THSD7B: variants seen among roughly 807,000 people sequenced by gnomAD.
The protein encoded by THSD7B is thrombospondin type-1 domain-containing protein 7B.
Under a neutral mutation model 213.6 loss-of-function variants are expected in THSD7B, and 138 were observed. That is an observed-to-expected ratio of 0.65 (90% CI 0.56 to 0.74). The LOEUF (loss-of-function observed/expected upper bound fraction) is 0.74, where lower values mean the gene tolerates loss of function less well. THSD7B is among the 30% of genes least tolerant of loss of function. THSD7B has a pLI of 0.00. For missense variants in THSD7B, 1,931 were observed against 1,991.5 expected (o/e 0.97, Z 0.58); for synonymous variants, 742 against 687.0 (o/e 1.08, Z -1.25).
At chr2:137,422,818 C>A (rs558008506) in intron 14 of THSD7B, among the ~76,000 whole-genome samples, 32 of 152,022 alleles carry the variant, frequency 2.1e-4, no homozygotes, top group South Asian at 1.9e-3. Context: ...ATTTCTAAAT[C>A]CAGAATTATG....
At chr2:137,495,996 A>T (rs1407015014) in intron 15 of THSD7B, among the ~76,000 whole-genome samples, 2 of 129,352 alleles carry the variant, frequency 1.5e-5, no homozygotes, top group Non-Finnish European at 3.3e-5. Context: ...AGTGAATCAC[A>T]TCTCAATTTA....
At chr2:137,618,968 C>A (rs352181) in intron 19 of THSD7B, among the ~76,000 whole-genome samples, 32,527 of 152,064 alleles carry the variant, frequency 0.21, 3,742 homozygotes, top group South Asian at 0.29. Flanking sequence ...AGAGATTTTT[C>A]TTTTCAACCT....
At chr2:137,078,437 C>T (rs76149283) in intron 3 of THSD7B, among the ~76,000 whole-genome samples, 14,500 of 152,158 alleles carry the variant, frequency 0.095, 942 homozygotes, top group African/African-American at 0.18. Flanking sequence ...TGCATAGATG[C>T]ATATCCTTTA....
chr2:137,370,238 CA>C (rs1685512838), intron 12 of THSD7B, among the ~76,000 whole-genome samples: 1 of 152,024 alleles, frequency 6.6e-6, no homozygotes, highest in African/African-American at 2.4e-5. Context: ...TTTATTCACT[CA>C]TTCATTCATT....
intron 4 of THSD7B, among the ~76,000 whole-genome samples, chr2:137,114,690 C>T (rs1338689578): frequency 6.6e-6 from 1 of 152,178 alleles, no homozygotes; most frequent in Non-Finnish European, 1.5e-5. Flanking sequence ...ATATTTACGA[C>T]TTTACACATT....
intron 12 of THSD7B, among the ~76,000 whole-genome samples, chr2:137,280,503 T>A (rs1260115431): frequency 2.6e-5 from 4 of 152,142 alleles, no homozygotes; most frequent in African/African-American, 9.7e-5. Flanking sequence ...ATGGTTAAGA[T>A]TTCATTCGTG....
intron 15 of THSD7B, among the ~76,000 whole-genome samples, chr2:137,451,719 A>G (rs1319298838): frequency 1.3e-5 from 2 of 152,124 alleles, no homozygotes; most frequent in Non-Finnish European, 2.9e-5. Context: ...GAATTATAAT[A>G]AAGAACTCAA....
intron 14 of THSD7B, among the ~76,000 whole-genome samples, chr2:137,423,494 C>A (rs1040587845): frequency 3.9e-5 from 6 of 151,920 alleles, no homozygotes; most frequent in Non-Finnish European, 5.9e-5. Flanking sequence ...TATACACTAA[C>A]AATGAACAAT....
At chr2:137,415,440 AT>A (rs1226809783) in intron 14 of THSD7B, among the ~76,000 whole-genome samples, 6 of 152,124 alleles carry the variant, frequency 3.9e-5, no homozygotes, top group Non-Finnish European at 4.4e-5. Context: ...ATCACAATTT[AT>A]TTTTTAAAAA....
chr2:137,281,551 C>A (rs1683014215), intron 12 of THSD7B, among the ~76,000 whole-genome samples: 1 of 150,754 alleles, frequency 6.6e-6, no homozygotes, highest in Non-Finnish European at 1.5e-5. Context: ...AATGCTATCC[C>A]CCCACCCCCA....
intron 12 of THSD7B, among the ~76,000 whole-genome samples, chr2:137,342,004 G>A (rs138603841): frequency 6.6e-6 from 1 of 151,308 alleles, no homozygotes; most frequent in Non-Finnish European, 1.5e-5. Flanking sequence ...ATGAATTTTA[G>A]GGTTTTTTTC....
In THSD7B at chr2:137,037,993, G is replaced by A. The variant is rs534480679; in HGVS notation, c.140-18427G>A. 2.8e-3 allele frequency among the ~76,000 whole-genome samples: 420 copies of A among 151,750 alleles called. 3 individuals carry two copies. Among genetic ancestry groups the A allele is most frequent in the African/African-American group, 9.5e-3 (393 of 41,414 alleles). On this transcript the variant is annotated intron_variant, in intron 2 of 27. Transcript: ENST00000409968. ...ATGTTTAGCAAAAATAAAAAAAAAT[G>A]TTTTGTTGATTGCTTCCTTTGGAGA...
At chr2:137,462,120 A>G (rs1183303408) in intron 15 of THSD7B, among the ~76,000 whole-genome samples, 3 of 152,100 alleles carry the variant, frequency 2.0e-5, no homozygotes, top group African/African-American at 7.2e-5. Context: ...ATTGTGCAGC[A>G]TCCTGCATAG....
chr2:137,165,609 A>G (rs1680112574), intron 6 of THSD7B, among the ~76,000 whole-genome samples: 1 of 152,168 alleles, frequency 6.6e-6, no homozygotes, highest in South Asian at 2.1e-4. Flanking sequence ...AAGCTGGGGT[A>G]CACAGGCTAA....
chr2:136,844,043 G>A (rs866120098), intron 1 of THSD7B, among the ~76,000 whole-genome samples: 13 of 152,232 alleles, frequency 8.5e-5, no homozygotes, highest in Middle Eastern at 6.8e-3. Flanking sequence ...TGAAAGCAAT[G>A]TTCTTCCAAC....
intron 12 of THSD7B, among the ~76,000 whole-genome samples, chr2:137,370,466 G>A (rs543833133): frequency 1.3e-5 from 2 of 152,148 alleles, no homozygotes; most frequent in African/African-American, 4.8e-5. Context: ...CACTCTGAAT[G>A]ATAAGGGTTT....
intron 12 of THSD7B, among the ~76,000 whole-genome samples, chr2:137,297,679 G>T (rs1169702226): frequency 6.6e-6 from 1 of 152,038 alleles, no homozygotes; most frequent in African/African-American, 2.4e-5. Flanking sequence ...GGAGGTAATT[G>T]AATCATGGGG....
intron 2 of THSD7B, among the ~76,000 whole-genome samples, chr2:136,978,340 TC>T (rs1685517859): frequency 6.6e-6 from 1 of 152,180 alleles, no homozygotes; most frequent in African/African-American, 2.4e-5. Context: ...GTCCTGAATA[TC>T]TTTGTTAATT....
chr2:137,026,073 T>C (rs145228084), intron 2 of THSD7B, among the ~76,000 whole-genome samples: 4 of 152,242 alleles, frequency 2.6e-5, no homozygotes, highest in Non-Finnish European at 5.9e-5. Flanking sequence ...TTCTGATCAT[T>C]CAATTAAAAG....
Sources: gnomAD v4.1 joint callset for allele counts (sites outside exome capture counted in the v4.1 genomes callset) on GRCh38, gnomAD v4.1.1 for gene constraint, MANE v1.5 for transcripts, NCBI Gene and HGNC (gene_info 2026-07-23, HGNC 2026-07-21) for gene names.